The following ADAMTSL1 variants were observed in gnomAD, a reference collection of about 807,000 sequenced individuals.
ADAMTSL1 encodes ADAMTS like 1, also known as ADAMTS-like protein 1.
ADAMTSL1 carries 126 observed loss-of-function variants against 201.8 expected under a neutral mutation model. The ratio of observed to expected loss-of-function variants is 0.62; its 90% CI spans 0.54 to 0.72. The LOEUF (loss-of-function observed/expected upper bound fraction) is 0.72. ADAMTSL1 is among the 30% of genes least tolerant of loss of function. The pLI is 0.00. For missense variants in ADAMTSL1, 2,679 were observed against 2,277.8 expected (o/e 1.18, Z -3.59); for synonymous variants, 1,121 against 903.4 (o/e 1.24, Z -4.32).
At chr9:18,544,434 T>C (rs1820353035) in intron 3 of ADAMTSL1, among the ~76,000 whole-genome samples, 1 of 152,124 alleles carries the variant, frequency 6.6e-6, no homozygotes, top group Non-Finnish European at 1.5e-5. Context: ...AATATATTAG[T>C]AAAACTGATT....
intron 2 of ADAMTSL1, among the ~76,000 whole-genome samples, chr9:18,204,430 A>G (rs372484436): frequency 2.0e-5 from 3 of 152,252 alleles, no homozygotes; most frequent in East Asian, 1.9e-4. Flanking sequence ...AGGCCTCTCC[A>G]GCCATGCTGA....
intron 23 of ADAMTSL1, among the ~76,000 whole-genome samples, chr9:18,831,122 C>T (rs1824950753): frequency 6.6e-6 from 1 of 152,178 alleles, no homozygotes. Flanking sequence ...AAAGAATCTT[C>T]ACAGCTTATC....
At chr9:18,072,087 C>T (rs16936287) in intron 1 of ADAMTSL1, among the ~76,000 whole-genome samples, 14,860 of 152,062 alleles carry the variant, frequency 0.098, 1,049 homozygotes, top group African/African-American at 0.2. Flanking sequence ...TTGCATTTTC[C>T]GGGTGGTCCA....
chr9:17,916,529 T>C (rs1826100685), intron 1 of ADAMTSL1, among the ~76,000 whole-genome samples: 1 of 152,208 alleles, frequency 6.6e-6, no homozygotes, highest in Non-Finnish European at 1.5e-5. Context: ...TTTTTTGGCC[T>C]ATGGATGTTA....
At chr9:18,394,168 T>TG (rs4007666) in intron 2 of ADAMTSL1, among the ~76,000 whole-genome samples, 1 of 99,528 alleles carries the variant, frequency 1.0e-5, no homozygotes, top group Admixed American at 9.8e-5. Flanking sequence ...GAACAAGGAT[T>TG]TTTTTTTAAA....
At chr9:18,123,487 C>T (rs548810630) in intron 1 of ADAMTSL1, among the ~76,000 whole-genome samples, 1 of 152,130 alleles carries the variant, frequency 6.6e-6, no homozygotes, top group Admixed American at 6.6e-5. Flanking sequence ...TGGAAGTAGT[C>T]TAGTTTTCTG....
intron 5 of ADAMTSL1, among the ~76,000 whole-genome samples, chr9:18,629,679 G>C (rs1228712599): frequency 6.6e-6 from 1 of 152,148 alleles, no homozygotes; most frequent in African/African-American, 2.4e-5. Context: ...GTTCATGAGA[G>C]ATACTGGTCT....
intron 28 of ADAMTSL1, 84 bp downstream of exon 28, chr9:18,906,996 C>A (rs1830348978): frequency 1.3e-6 from 2 of 1,495,128 alleles, no homozygotes; most frequent in South Asian, 2.5e-5. Flanking sequence ...CGACCCTGAG[C>A]ATAGGGCATG....
intron 2 of ADAMTSL1, 130 bp from the exon 3 acceptor site, chr9:18,533,117 C>T: frequency 1.6e-6 from 1 of 623,998 alleles, no homozygotes; most frequent in Non-Finnish European, 2.7e-6. Context: ...ATAGTAAACC[C>T]TCTAAGAACA....
rs1362447378 is a variant in ADAMTSL1 at position 18,905,776 on chromosome 9, T to G, written c.4852-6T>G. The stretch of plus-strand genomic sequence containing the variant: ...GTGCGGTATGTTACCTTTTTCTGCT[T>G]TCCAGTGCAATGGGCCTTGCATCGG... On this transcript the variant is annotated splice_polypyrimidine_tract_variant and splice_region_variant and intron_variant, in intron 26 of 28. Coordinates refer to ENST00000380548, the MANE Select transcript of ADAMTSL1 (RefSeq NM_001040272.6). The G allele has an allele frequency of 6.2e-7, 1 of 1,610,736 alleles. No individual in the cohort carries two copies. Among genetic ancestry groups the G allele is most frequent in the Non-Finnish European group, 8.5e-7 (1 of 1,178,314 alleles).
intron 2 of ADAMTSL1, among the ~76,000 whole-genome samples, chr9:18,411,198 T>TTTA (rs1563942706): frequency 1.7e-4 from 18 of 109,016 alleles, no homozygotes; most frequent in African/African-American, 6.9e-4. Context: ...TTATTTATTT[T>TTTA]TATTTATTTA....
intron 20 of ADAMTSL1, among the ~76,000 whole-genome samples, chr9:18,806,024 A>G (rs1823093950): frequency 6.6e-6 from 1 of 152,226 alleles, no homozygotes; most frequent in Non-Finnish European, 1.5e-5. Context: ...AAGTCCTTGA[A>G]GTACAACTCA....
intron 20 of ADAMTSL1, among the ~76,000 whole-genome samples, chr9:18,809,506 G>A (rs112971521): frequency 0.028 from 4,322 of 152,276 alleles, 190 homozygotes; most frequent in African/African-American, 0.097. Flanking sequence ...AAAGGAGCTT[G>A]AGGCCGGGCA....
chr9:18,113,927 G>A (rs1036216403), intron 1 of ADAMTSL1, among the ~76,000 whole-genome samples: 1 of 152,098 alleles, frequency 6.6e-6, no homozygotes, highest in Non-Finnish European at 1.5e-5. Context: ...AGTCATATAG[G>A]TAGAGAGTAG....
In ADAMTSL1 at chr9:18,223,167, C is replaced by T. The variant is rs150359389; in HGVS notation, c.207+59186C>T. 4.7e-3 allele frequency among the ~76,000 whole-genome samples: 722 copies of T among 152,036 alleles called. 7 individuals are homozygous for T. The highest frequency in any genetic ancestry group is 0.016 in the African/African-American group (650 of 41,510). On this transcript the variant is annotated intron_variant, in intron 2 of 29. Transcript: ENST00000680146. Reference sequence around the variant, plus strand: ...TTATCAGTATTACATGTTGAGCATCCGAAATCTGAAAACCCAACATTCTAA... The same window carrying T: ...TTATCAGTATTACATGTTGAGCATCTGAAATCTGAAAACCCAACATTCTAA...
At position 18,582,310 on chromosome 9, in the gene ADAMTSL1, A is replaced by G. The variant is rs73644617; in HGVS notation, c.474+8044A>G. On this transcript the variant is annotated intron_variant, in intron 4 of 28. Coordinates refer to ENST00000380548, the MANE Select transcript of ADAMTSL1 (RefSeq NM_001040272.6). ...GCTCTCACATTTTACTATAAGTACC[A>G]AGGAGAAACCAGGCTGTAGTCATCC... Among the ~76,000 whole-genome samples, 854 of 152,264 alleles carry G rather than the reference A, an allele frequency of 5.6e-3. 8 individuals carry two copies. The highest frequency in any genetic ancestry group is 0.019 in the African/African-American group (809 of 41,550).
chr9:18,032,904 C>A (rs541653828), intron 1 of ADAMTSL1, among the ~76,000 whole-genome samples: 29 of 152,196 alleles, frequency 1.9e-4, no homozygotes, highest in African/African-American at 7.0e-4. Context: ...GGGCTTCCCA[C>A]TTCCTCCTTC....
At chr9:18,010,511 G>C (rs1429311519) in intron 1 of ADAMTSL1, among the ~76,000 whole-genome samples, 1 of 152,016 alleles carries the variant, frequency 6.6e-6, no homozygotes, top group South Asian at 2.1e-4. Flanking sequence ...AGAACAGGGA[G>C]AGATTAATTG....
chr9:18,635,495 G>A (rs778861079), intron 5 of ADAMTSL1, among the ~76,000 whole-genome samples: 14 of 152,162 alleles, frequency 9.2e-5, no homozygotes, highest in East Asian at 5.8e-4. Flanking sequence ...GGTGTTCAGC[G>A]CATACCAATA....
Sources: gnomAD v4.1 joint callset for allele counts (sites outside exome capture counted in the v4.1 genomes callset) on GRCh38, gnomAD v4.1.1 for gene constraint, MANE v1.5 for transcripts, NCBI Gene and HGNC (gene_info 2026-07-23, HGNC 2026-07-21) for gene names.